ALMS1: variants seen among roughly 807,000 people sequenced by gnomAD.
ALMS1 encodes the protein centrosome-associated protein ALMS1.
Under a neutral mutation model 352.2 loss-of-function variants are expected in ALMS1, and 271 were observed. The ratio of observed to expected loss-of-function variants is 0.77; its 90% CI spans 0.70 to 0.85. The LOEUF (loss-of-function observed/expected upper bound fraction) is 0.85, where lower values mean the gene tolerates loss of function less well. Among genes scored for constraint, ALMS1 ranks in the 40% least tolerant of loss-of-function variants. ALMS1 has a pLI of 0.00. For missense variants in ALMS1, 5,445 were observed against 4,870.7 expected, an observed-to-expected ratio of 1.12 and a Z score of -3.51; for synonymous variants, 1,865 against 1,761.2, an observed-to-expected ratio of 1.06 and a Z score of -1.48.
At position 73,385,931 on chromosome 2, in the gene ALMS1, G is replaced by GGAA. The variant is rs1553396148; in HGVS notation, c.65_66insAGA (p.Glu28dup). The GGAA allele has an allele frequency of 9.2e-7, 1 of 1,084,288 alleles. No individual in the cohort carries two copies. The highest frequency in any genetic ancestry group is 1.4e-6 in the Non-Finnish European group (1 of 726,436). The allele number at this position is 1,084,288 out of a possible 1,614,324, so 67.2% of individuals were successfully genotyped here. On this transcript the variant is annotated inframe_insertion, in exon 1 of 23. Coordinates refer to ENST00000613296, the MANE Select transcript of ALMS1 (RefSeq NM_001378454.1). ...AGGAGGAGGAGGAGGAGGAGGAGGA[G>GGAA]GAGGAGGAGGAAGAGGAGGAGGCTG...
intron 16 of ALMS1, among the ~76,000 whole-genome samples, chr2:73,588,638 G>A (rs1045896826): frequency 6.6e-6 from 1 of 152,038 alleles, no homozygotes; most frequent in Non-Finnish European, 1.5e-5. Flanking sequence ...AGGTCATTCA[G>A]TAGTTTTCCT....
Position 73,491,162 on chromosome 2 carries a change from T to G in ALMS1, c.9203T>G (p.Phe3068Cys). The G allele has an allele frequency of 1.2e-6, 2 of 1,614,184 alleles. No homozygotes were observed. Among genetic ancestry groups the G allele is most frequent in the Non-Finnish European group, 1.7e-6 (2 of 1,180,012 alleles). The change falls in exon 10 of 23, where the codon TTC (phenylalanine) becomes TGC (cysteine). Residue 3068 changes from phenylalanine to cysteine, a missense_variant. Phe to Cys is a radical substitution (Grantham distance 205). Coordinates refer to ENST00000613296, the MANE Select transcript of ALMS1 (RefSeq NM_001378454.1). ...GATAGTGGAACTTTAGATGAAAGATTCCATTCATTGGATGCTGCTTCTAAA... is the reference window on the plus strand; with the variant it reads ...GATAGTGGAACTTTAGATGAAAGATGCCATTCATTGGATGCTGCTTCTAAA... The part of the protein sequence containing the change: ...KLDSGTLDER[F>C]HSLDAASKAR...
rs1282455858 is a variant in ALMS1, at chr2:73,450,590, G to A, written c.4063G>A (p.Glu1355Lys). 1 of 1,611,900 alleles carries A rather than the reference G, an allele frequency of 6.2e-7. No individual in the cohort carries two copies. The highest frequency in any genetic ancestry group is 8.5e-7 in the Non-Finnish European group (1 of 1,179,556). Residue 1355 changes from glutamate to lysine, a missense_variant, in exon 8 of 23, where the codon GAA becomes AAA. Transcript: ENST00000613296. ...GGTCTTGCCACATAGTCATCCAACTGAAGAGGCTCTGAAAATTTCAGTTGC... is the reference window on the plus strand; with the variant it reads ...GGTCTTGCCACATAGTCATCCAACTAAAGAGGCTCTGAAAATTTCAGTTGC... ...QQVLPHSHPT[E>K]EALKISVASE...
chr2:73,578,147 G>T (rs891011863), intron 16 of ALMS1, among the ~76,000 whole-genome samples: 3 of 152,016 alleles, frequency 2.0e-5, no homozygotes, highest in Non-Finnish European at 2.9e-5. Context: ...TTTGTCTCTT[G>T]TAACAATTTT....
chr2:73,404,014 C>T (rs1001382926), intron 1 of ALMS1, among the ~76,000 whole-genome samples: 3 of 152,172 alleles, frequency 2.0e-5, no homozygotes, highest in African/African-American at 7.2e-5. Context: ...ATTCTCCTGC[C>T]TCAGCTTCGC....
rs182388532 is a variant in ALMS1, at chr2:73,424,927, A to G, written c.1237+25A>G. ...AGTAAGTACCCTGATTCTTTTTCAG[A>G]TTCATCTGACACAATTGATAAAAAT... On this transcript the variant is annotated intron_variant, in intron 5 of 22. Coordinates refer to ENST00000613296, the MANE Select transcript of ALMS1 (RefSeq NM_001378454.1). The G allele has an allele frequency of 3.9e-6, 6 of 1,554,170 alleles. No homozygotes were observed. The Admixed American group carries it at 5.6e-5, about 14-fold the overall frequency.
At chr2:73,434,503 A>G (rs1358383967) in intron 7 of ALMS1, among the ~76,000 whole-genome samples, 1 of 152,088 alleles carries the variant, frequency 6.6e-6, no homozygotes, top group Admixed American at 6.5e-5. Context: ...ATGTTTTAGC[A>G]TGTAGTTTAT....
At chr2:73,521,119 T>G (rs1673666279) in intron 11 of ALMS1, among the ~76,000 whole-genome samples, 1 of 152,202 alleles carries the variant, frequency 6.6e-6, no homozygotes, top group African/African-American at 2.4e-5. Flanking sequence ...CTTGAACATT[T>G]TTCTTGTGAA....
intron 15 of ALMS1, among the ~76,000 whole-genome samples, chr2:73,567,982 T>C (rs917777144): frequency 1.3e-5 from 2 of 152,090 alleles, no homozygotes; most frequent in Non-Finnish European, 2.9e-5. Context: ...ATTGAGAAAC[T>C]GAGAAAAGGG....
chr2:73,486,962 G>A (rs1012800519), intron 9 of ALMS1, among the ~76,000 whole-genome samples: 1 of 152,170 alleles, frequency 6.6e-6, no homozygotes, highest in African/African-American at 2.4e-5. Flanking sequence ...GGCTGAGGTG[G>A]CAGGATCGCC....
intron 10 of ALMS1, among the ~76,000 whole-genome samples, chr2:73,511,160 C>T (rs778796852): frequency 6.6e-6 from 1 of 152,160 alleles, no homozygotes; most frequent in Non-Finnish European, 1.5e-5. Context: ...GACCACTTGC[C>T]TTCCTGGCTT....
chr2:73,412,733 T>C (rs932500881), intron 2 of ALMS1, among the ~76,000 whole-genome samples: 1 of 152,082 alleles, frequency 6.6e-6, no homozygotes, highest in African/African-American at 2.4e-5. Context: ...GAGGCAGAGG[T>C]TGCAGTGAGT....
At chr2:73,588,156 A>T (rs1372421312) in intron 16 of ALMS1, among the ~76,000 whole-genome samples, 2 of 152,224 alleles carry the variant, frequency 1.3e-5, no homozygotes, top group African/African-American at 4.8e-5. Flanking sequence ...ATCCTCCTTA[A>T]ATCATTATGT....
intron 16 of ALMS1, among the ~76,000 whole-genome samples, chr2:73,597,679 A>G (rs1432010806): frequency 6.6e-6 from 1 of 152,076 alleles, no homozygotes; most frequent in Non-Finnish European, 1.5e-5. Context: ...CCTTTTCTAG[A>G]TGGGGAAACT....
At chr2:73,597,617 T>C (rs1056562962) in intron 16 of ALMS1, among the ~76,000 whole-genome samples, 1 of 152,204 alleles carries the variant, frequency 6.6e-6, no homozygotes, top group African/African-American at 2.4e-5. Context: ...TATCAGTGTT[T>C]TATATTTTAC....
rs561102899 is a variant in ALMS1, at chr2:73,547,201, G to T, written c.9908-3066G>T. Among the ~76,000 whole-genome samples, 3 of 152,280 alleles carry T rather than the reference G, an allele frequency of 2.0e-5. No individual in the cohort carries two copies. The South Asian group carries it at 6.2e-4, about 32-fold the overall frequency. On this transcript the variant is annotated intron_variant, in intron 12 of 22. Coordinates refer to ENST00000613296, the MANE Select transcript of ALMS1 (RefSeq NM_001378454.1). ...AGGCTGGGCTAGGTTATGATGCTTG[G>T]TAGGTTAGGGGCATTAAATACATTT...
chr2:73,563,738 A>C (rs558418856), intron 15 of ALMS1, among the ~76,000 whole-genome samples: 1 of 128,714 alleles, frequency 7.8e-6, no homozygotes, highest in Non-Finnish European at 1.6e-5. Flanking sequence ...AAAAAAAAAA[A>C]AATAAAAATA....
intron 11 of ALMS1, among the ~76,000 whole-genome samples, chr2:73,524,869 C>T (rs183603326): frequency 6.6e-6 from 1 of 152,320 alleles, no homozygotes; most frequent in Admixed American, 6.5e-5. Flanking sequence ...TAACAATCCT[C>T]ACTTCCCCCA....
intron 9 of ALMS1, among the ~76,000 whole-genome samples, chr2:73,483,588 T>C (rs966531563): frequency 5.3e-5 from 8 of 151,798 alleles, no homozygotes; most frequent in Admixed American, 3.3e-4. Context: ...GTCTATTAGG[T>C]CCACTTGGTG....
Sources: allele counts gnomAD v4.1 joint callset (sites outside exome capture counted in the v4.1 genomes callset), GRCh38; gene constraint gnomAD v4.1.1; transcripts MANE v1.5; gene names NCBI Gene and HGNC (gene_info 2026-07-23, HGNC 2026-07-21).